TCF25: variants seen among roughly 807,000 people sequenced by gnomAD.
TCF25 encodes the protein ribosome quality control complex subunit TCF25.
Under a neutral mutation model 83.1 loss-of-function variants are expected in TCF25, and 41 were observed. The observed-to-expected ratio is 0.49, with a 90% CI of 0.38 to 0.64. The LOEUF is 0.64. Ranked by LOEUF, TCF25 falls within the 30% of genes least tolerant of loss-of-function variation. TCF25 has a pLI of 0.00. For missense variants in TCF25, 979 were observed against 914.5 expected (o/e 1.07, Z -0.91); for synonymous variants, 458 against 365.0 (o/e 1.25, Z -2.90).
At chr16:89,883,268 G>A (rs943543184) in intron 1 of TCF25, 83 bp from the exon 2 acceptor site, 26 of 1,550,004 alleles carry the variant, frequency 1.7e-5, no homozygotes, top group Middle Eastern at 1.8e-4. Flanking sequence ...ACGCAAGCCC[G>A]TTCACATCTC....
chr16:89,885,780 T>C, intron 3 of TCF25, 68 bp from the exon 4 acceptor site: 1 of 1,312,602 alleles, frequency 7.6e-7, no homozygotes, highest in Non-Finnish European at 1.1e-6. Context: ...GATAAATAAT[T>C]TTGTTATTGT....
intron 1 of TCF25, chr16:89,874,728 TC>T (rs1289463709): frequency 6.6e-6 from 1 of 152,162 alleles, no homozygotes; most frequent in Non-Finnish European, 1.5e-5. Context: ...CACCTCAGCC[TC>T]CTGAGTATCT....
chr16:89,887,779 G>A, intron 5 of TCF25, 62 bp downstream of exon 5: 1 of 1,455,464 alleles, frequency 6.9e-7, no homozygotes, highest in South Asian at 1.4e-5. Flanking sequence ...CTCTTGGCCG[G>A]GGGTGGTGTT....
At chr16:89,884,450 A>T (rs2042831780) in intron 2 of TCF25, 132 bp from the exon 3 acceptor site, 1 of 849,016 alleles carries the variant, frequency 1.2e-6, no homozygotes, top group Admixed American at 2.4e-5. Context: ...GAGTGAGTTG[A>T]AGGAACTTTT....
intron 12 of TCF25, 130 bp downstream of exon 12, chr16:89,900,924 G>A (rs1597359758): frequency 3.6e-6 from 4 of 1,117,856 alleles, no homozygotes; most frequent in East Asian, 5.2e-5. Flanking sequence ...CTCTGGTAGG[G>A]CCTGCAAACC....
At position 89,904,187 on chromosome 16, in the gene TCF25, G is replaced by C; in HGVS notation, c.1451G>C (p.Gly484Ala). The stretch of plus-strand genomic sequence containing the variant: ...AGCGTTTCCAGTCACCGCTTCTTTG[G>C]ACCCAATGCTGAAATAAGGTAAAGA... ...DASVSSHRFF[G>A]PNAEISQPPA... The change falls in exon 13 of 18, where the codon GGA (glycine) becomes GCA (alanine). Residue 484 changes from glycine (G) to alanine (A), a missense_variant. By Grantham distance (60) the Gly-to-Ala change is moderately conservative. Coordinates refer to ENST00000263346, the MANE Select transcript of TCF25 (RefSeq NM_014972.3). The C allele has an allele frequency of 6.3e-7, 1 of 1,587,290 alleles. No individual in the cohort carries two copies. Among genetic ancestry groups the C allele is most frequent in the African/African-American group, 1.3e-5 (1 of 74,398 alleles).
At chr16:89,880,477 G>A (rs1381864859) in intron 1 of TCF25, among the ~76,000 whole-genome samples, 1 of 152,136 alleles carries the variant, frequency 6.6e-6, no homozygotes, top group Non-Finnish European at 1.5e-5. Flanking sequence ...CCAGTTACTC[G>A]GGAGGCTGAG....
At position 89,900,736 on chromosome 16, in the gene TCF25, C is replaced by T. The variant is rs776166372; in HGVS notation, c.1323C>T (p.Ser441=). ...CAGACCTCCCTGAGTGTGAGCAGAGCTCTGCCAGGCAGAAGGCCTCTCTCC... is the reference window on the plus strand; with the variant it reads ...CAGACCTCCCTGAGTGTGAGCAGAGTTCTGCCAGGCAGAAGGCCTCTCTCC... ...QQTDLPECEQ[S]SARQKASLLI... Residue 441 remains serine (S), a synonymous_variant, in exon 12 of 18, where the codon AGC becomes AGT. Transcript: ENST00000263346. 1.7e-5 allele frequency: 28 copies of T among 1,600,138 alleles called. No individual in the cohort carries two copies. The highest frequency in any genetic ancestry group is 2.3e-5 in the Non-Finnish European group (27 of 1,168,362).
At chr16:89,895,602 G>C (rs764752289) in intron 8 of TCF25, among the ~76,000 whole-genome samples, 1 of 152,264 alleles carries the variant, frequency 6.6e-6, no homozygotes, top group Non-Finnish European at 1.5e-5. Context: ...ATACTCCACT[G>C]TGTGGACGGA....
intron 1 of TCF25, chr16:89,878,604 A>G (rs1469808509): frequency 4.4e-6 from 5 of 1,142,986 alleles, no homozygotes; most frequent in Non-Finnish European, 5.5e-6. Context: ...AGACCCTAAA[A>G]CTAATGAAAA....
In TCF25 at chr16:89,885,979, C is replaced by T. The variant is rs1015239335; in HGVS notation, c.548+13C>T. 2.5e-6 allele frequency: 4 copies of T among 1,602,200 alleles called. No individual in the cohort carries two copies. The highest frequency in any genetic ancestry group is 1.7e-4 in the Middle Eastern group (1 of 6,022). On this transcript the variant is annotated intron_variant, in intron 4 of 17. Transcript: ENST00000263346. ...ACGTGGAGCACAGGTGTGGCCCCCGCCCTTCTCTGCGGCTGCCCTTCTCTG... is the reference window on the plus strand; with the variant it reads ...ACGTGGAGCACAGGTGTGGCCCCCGTCCTTCTCTGCGGCTGCCCTTCTCTG...
intron 12 of TCF25, among the ~76,000 whole-genome samples, chr16:89,901,463 C>CTCCGAGGGGCTGTGA (rs1567729257): frequency 6.8e-6 from 1 of 146,980 alleles, no homozygotes; most frequent in African/African-American, 2.5e-5. Flanking sequence ...GACGGGCCTC[C>CTCCGAGGGGCTGTGA]GGCCGGGCGC....
Position 89,904,129 on chromosome 16 carries a change from C to T in TCF25, c.1393C>T (p.Leu465=), listed in dbSNP as rs780430389. The change falls in exon 13 of 18, where the codon CTG becomes TTG. Residue 465 remains leucine (L), a synonymous_variant. Transcript: ENST00000263346. ...LTMFPGVLLP[L]LESCSVRPDA... is the part of the protein sequence containing the mutation. ...CGCTTCCCCTGCAGTCCTCCTGCCCCTGCTCGAGTCTTGCAGTGTGCGGCC... is the reference window on the plus strand; with the variant it reads ...CGCTTCCCCTGCAGTCCTCCTGCCCTTGCTCGAGTCTTGCAGTGTGCGGCC... 3 of 1,606,848 alleles carry T rather than the reference C, an allele frequency of 1.9e-6. No individual in the cohort carries two copies. The highest frequency in any genetic ancestry group is 1.7e-5 in the Admixed American group (1 of 59,264).
intron 5 of TCF25, among the ~76,000 whole-genome samples, chr16:89,888,020 C>G (rs1017897791): frequency 3.3e-5 from 5 of 152,162 alleles, no homozygotes; most frequent in African/African-American, 1.2e-4. Context: ...AATCCCAGCA[C>G]TTTGGGAGGC....
At chr16:89,910,814 C>G in intron 17 of TCF25, 151 bp downstream of exon 17, 1 of 1,014,994 alleles carries the variant, frequency 9.9e-7, no homozygotes, top group East Asian at 2.5e-5. Context: ...AGTGGGGTGC[C>G]CATTCTGCCG....
intron 17 of TCF25, 76 bp downstream of exon 17, chr16:89,910,739 C>T (rs1030014838): frequency 1.4e-5 from 21 of 1,481,076 alleles, no homozygotes; most frequent in Admixed American, 3.4e-5. Flanking sequence ...TGCCTGGAGC[C>T]TCCTTGAACC....
intron 7 of TCF25, 165 bp from the exon 8 acceptor site, chr16:89,894,873 G>C (rs1191521540): frequency 5.6e-6 from 3 of 532,592 alleles, no homozygotes; most frequent in Non-Finnish European, 1.0e-5. Flanking sequence ...TTGAACTCCT[G>C]ATATCAAGTG....
At chr16:89,906,377 T>TG (rs2044783843) in intron 15 of TCF25, 93 bp downstream of exon 15, 2 of 1,284,414 alleles carry the variant, frequency 1.6e-6, no homozygotes, top group African/African-American at 1.5e-5. Flanking sequence ...GCGTGCGTGG[T>TG]GCGGGCTCCC....
At chr16:89,892,151 G>A (rs541934301) in intron 5 of TCF25, 42 bp from the exon 6 acceptor site, 13 of 1,544,242 alleles carry the variant, frequency 8.4e-6, no homozygotes, top group South Asian at 5.0e-5. Context: ...GTCCCCACAC[G>A]CCACAGGAAG....
Sources: gnomAD v4.1 joint callset for allele counts (sites outside exome capture counted in the v4.1 genomes callset) on GRCh38, gnomAD v4.1.1 for gene constraint, MANE v1.5 for transcripts, NCBI Gene and HGNC (gene_info 2026-07-23, HGNC 2026-07-21) for gene names.